The following LDLRAD3 variants were observed in gnomAD, a reference collection of about 807,000 sequenced individuals.
The protein encoded by LDLRAD3 is low-density lipoprotein receptor class A domain-containing protein 3.
A neutral mutation model predicts 29.4 loss-of-function variants in LDLRAD3; 20 were observed. The observed-to-expected ratio is 0.68, with a 90% confidence interval of 0.48 to 0.99. The LOEUF (loss-of-function observed/expected upper bound fraction) is 0.99, where lower values mean the gene tolerates loss of function less well. Ranked by LOEUF, LDLRAD3 falls within the 50% of genes least tolerant of loss-of-function variation. LDLRAD3 has a pLI of 0.00. For synonymous variants in LDLRAD3, 157 were observed against 192.7 expected (o/e 0.81, Z 1.53); for missense variants, 420 against 454.3 (o/e 0.92, Z 0.69).
At chr11:35,982,500 T>G (rs181426726) in intron 1 of LDLRAD3, among the ~76,000 whole-genome samples, 58 of 152,306 alleles carry the variant, frequency 3.8e-4, no homozygotes, top group Middle Eastern at 6.8e-3. Flanking sequence ...AACTGGAGGT[T>G]AGGACTCCGG....
At chr11:35,985,099 A>G (rs1251991175) in intron 1 of LDLRAD3, among the ~76,000 whole-genome samples, 1 of 151,306 alleles carries the variant, frequency 6.6e-6, no homozygotes, top group African/African-American at 2.4e-5. Flanking sequence ...CTCACTTTTT[A>G]TTTACAGTTT....
At chr11:36,058,177 C>T (rs908309480) in intron 2 of LDLRAD3, among the ~76,000 whole-genome samples, 1 of 152,180 alleles carries the variant, frequency 6.6e-6, no homozygotes, top group Admixed American at 6.5e-5. Flanking sequence ...TCAGCAGCAG[C>T]TCCTTCCCTC....
intron 1 of LDLRAD3, among the ~76,000 whole-genome samples, chr11:36,021,906 C>A (rs1292101085): frequency 6.6e-6 from 1 of 152,120 alleles, no homozygotes; most frequent in African/African-American, 2.4e-5. Flanking sequence ...CTACCTGAGC[C>A]CTGCAAGTGC....
chr11:36,194,431 A>G (rs906657880), intron 4 of LDLRAD3, among the ~76,000 whole-genome samples: 5 of 152,128 alleles, frequency 3.3e-5, no homozygotes, highest in African/African-American at 4.8e-5. Context: ...GGAAGGAGAG[A>G]AATTCAGGAA....
intron 1 of LDLRAD3, among the ~76,000 whole-genome samples, chr11:36,033,582 T>A (rs1041322057): frequency 1.3e-5 from 2 of 152,184 alleles, no homozygotes; most frequent in Non-Finnish European, 2.9e-5. Context: ...GTGTAAGTAT[T>A]TCCAAACAAA....
rs531620355 is a variant in LDLRAD3 at position 36,143,131 on chromosome 11, G to A, written c.454+44670G>A. On this transcript the variant is annotated intron_variant, in intron 4 of 5. Coordinates refer to ENST00000315571, the MANE Select transcript of LDLRAD3 (RefSeq NM_174902.4). ...TTCACTTTACAGATGAGGACATTGA[G>A]TCTCAGTCTGGGAAAGCATTTTGCC... Among the ~76,000 whole-genome samples the A allele has an allele frequency of 1.1e-4, 16 of 152,326 alleles. No homozygotes were observed. In the South Asian group the frequency reaches 2.5e-3, roughly 24 times the overall value.
At chr11:36,064,499 T>TC (rs1852759276) in intron 2 of LDLRAD3, among the ~76,000 whole-genome samples, 1 of 123,364 alleles carries the variant, frequency 8.1e-6, no homozygotes, top group Non-Finnish European at 1.9e-5. Context: ...TTTTTTTTTT[T>TC]TGTAGAGATG....
At chr11:36,007,918 G>T (rs1851905101) in intron 1 of LDLRAD3, among the ~76,000 whole-genome samples, 1 of 152,172 alleles carries the variant, frequency 6.6e-6, no homozygotes, top group African/African-American at 2.4e-5. Context: ...CCAGATAAAA[G>T]AATTGAGTGA....
At chr11:36,217,091 G>A (rs1855363512) in intron 4 of LDLRAD3, among the ~76,000 whole-genome samples, 1 of 152,184 alleles carries the variant, frequency 6.6e-6, no homozygotes, top group Non-Finnish European at 1.5e-5. Context: ...AAGGGAAATT[G>A]TGTATATCAA....
chr11:36,221,644 A>G (rs1855430639), intron 4 of LDLRAD3, among the ~76,000 whole-genome samples: 1 of 152,166 alleles, frequency 6.6e-6, no homozygotes, highest in African/African-American at 2.4e-5. Context: ...CTAAAAATAA[A>G]AATAAAGAAA....
intron 4 of LDLRAD3, among the ~76,000 whole-genome samples, chr11:36,223,471 G>A (rs1189787294): frequency 6.6e-6 from 1 of 152,206 alleles, no homozygotes; most frequent in African/African-American, 2.4e-5. Flanking sequence ...ACTCACGCCT[G>A]TAATCCCAAC....
intron 4 of LDLRAD3, among the ~76,000 whole-genome samples, chr11:36,203,257 C>T (rs4526752): frequency 0.31 from 46,535 of 152,076 alleles, 7,300 homozygotes; most frequent in African/African-American, 0.39. Context: ...TGTGAGCCCC[C>T]GCGTCCAGCC....
chr11:36,045,815 AT>A (rs972527142), intron 2 of LDLRAD3, among the ~76,000 whole-genome samples: 62 of 145,294 alleles, frequency 4.3e-4, no homozygotes, highest in African/African-American at 1.5e-3. Context: ...TTTAAATTTT[AT>A]TTTAAGTTCT....
rs560469741 is a variant in LDLRAD3, at chr11:36,088,157, C to G, written c.319+6379C>G. Reference sequence around the variant, plus strand: ...GGTGTGAGCCACCCCACCCAGCCCCCCAAAACCAGTATTTTCTTTTAGAGC... The same window carrying G: ...GGTGTGAGCCACCCCACCCAGCCCCGCAAAACCAGTATTTTCTTTTAGAGC... On this transcript the variant is annotated intron_variant, in intron 3 of 5. Transcript: ENST00000315571. Among the ~76,000 whole-genome samples the G allele has an allele frequency of 2.0e-5, 3 of 152,242 alleles. No individual in the cohort carries two copies. The South Asian group carries it at 6.2e-4, about 32-fold the overall frequency.
intron 4 of LDLRAD3, among the ~76,000 whole-genome samples, chr11:36,223,443 C>T (rs1262511677): frequency 1.3e-5 from 2 of 152,174 alleles, no homozygotes; most frequent in Non-Finnish European, 2.9e-5. Context: ...AAATACATTT[C>T]ACTGGCCAGG....
rs181951290 is a variant in LDLRAD3 at position 36,128,639 on chromosome 11, G to A, written c.454+30178G>A. Among the ~76,000 whole-genome samples the A allele has an allele frequency of 3.4e-3, 515 of 152,086 alleles. 2 individuals are homozygous for A. The highest frequency in any genetic ancestry group is 0.012 in the African/African-American group (485 of 41,512). ...TGAAGTGGGTAGATTGCCTGAGGTC[G>A]GGACTTCAAGACCAGCTTGGGCAAC... On this transcript the variant is annotated intron_variant, in intron 4 of 5. Coordinates refer to ENST00000315571, the MANE Select transcript of LDLRAD3 (RefSeq NM_174902.4).
chr11:36,091,312 A>G (rs1853276838), intron 3 of LDLRAD3, among the ~76,000 whole-genome samples: 2 of 152,188 alleles, frequency 1.3e-5, no homozygotes, highest in South Asian at 2.1e-4. Context: ...TAAATGAATT[A>G]AAGAGTACAT....
Position 36,036,214 on chromosome 11 carries a change from C to G in LDLRAD3, c.158C>G (p.Pro53Arg), listed in dbSNP as rs766212649. The change falls in exon 2 of 6, where the codon CCT becomes CGT. Residue 53 changes from proline to arginine, a missense_variant. Pro to Arg is a moderately radical substitution (Grantham distance 103). Around this residue, in one of 3 missense-constraint regions of LDLRAD3, gnomAD observed 224 missense variants for 222.2 expected, o/e 1.01. Coordinates refer to ENST00000315571, the MANE Select transcript of LDLRAD3 (RefSeq NM_174902.4). ...IPGAWQCDGL[P>R]DCFDKSDEKE... is the part of the protein sequence containing the mutation. ...GGCGCCTGGCAGTGTGACGGGCTGCCTGACTGCTTCGACAAGAGTGATGAG... is the reference window on the plus strand; with the variant it reads ...GGCGCCTGGCAGTGTGACGGGCTGCGTGACTGCTTCGACAAGAGTGATGAG... The G allele has an allele frequency of 6.2e-7, 1 of 1,614,176 alleles. No homozygotes were observed. Among genetic ancestry groups the G allele is most frequent in the East Asian group, 2.2e-5 (1 of 44,884 alleles).
intron 1 of LDLRAD3, among the ~76,000 whole-genome samples, chr11:35,966,640 A>T (rs1399953873): frequency 6.9e-6 from 1 of 145,074 alleles, no homozygotes; most frequent in African/African-American, 2.7e-5. Flanking sequence ...TTTTCCTTGA[A>T]CCTTCTCCAT....
Sources: allele counts gnomAD v4.1 joint callset (sites outside exome capture counted in the v4.1 genomes callset), GRCh38; gene constraint gnomAD v4.1.1; regional missense constraint gnomAD v4.1.1; transcripts MANE v1.5; gene names NCBI Gene and HGNC (gene_info 2026-07-23, HGNC 2026-07-21).